ASS1: variants seen among roughly 807,000 people sequenced by gnomAD.
The protein encoded by ASS1 is argininosuccinate synthase 1.
ASS1 carries 58 observed loss-of-function variants against 60.5 expected under a neutral mutation model. The observed-to-expected ratio is 0.96, with a 90% CI of 0.78 to 1.19. The LOEUF is 1.19. Among genes scored for constraint, ASS1 ranks in the 50% most tolerant of loss-of-function variants. The pLI is 0.00. For missense variants in ASS1, 454 were observed against 547.3 expected (o/e 0.83, Z 1.70); for synonymous variants, 200 against 206.9 (o/e 0.97, Z 0.29).
rs143358819 is a variant in ASS1 at position 130,491,850 on chromosome 9, C to T, written c.970+2386C>T. 4.4e-4 allele frequency among the ~76,000 whole-genome samples: 67 copies of T among 152,256 alleles called. No individual in the cohort carries two copies. Among genetic ancestry groups the T allele is most frequent in the African/African-American group, 1.5e-3 (61 of 41,550 alleles). Reference sequence around the variant, plus strand: ...CACTAATATTAACTTTGCCCTGGTCCGCTGACATGCAGGGCCCCACAAACA... The same window carrying T: ...CACTAATATTAACTTTGCCCTGGTCTGCTGACATGCAGGGCCCCACAAACA... On this transcript the variant is annotated intron_variant, in intron 12 of 14. Transcript: ENST00000352480. This position sits in a 1 kb window ranked among gnomAD's most constrained non-coding sequence, Gnocchi z 5.3.
At chr9:130,450,756 C>T (rs77005140) in intron 1 of ASS1, among the ~76,000 whole-genome samples, 1,525 of 152,324 alleles carry the variant, frequency 0.01, 25 homozygotes, top group African/African-American at 0.034. Context: ...TCCAGGCACA[C>T]AGAGAGTGCT....
chr9:130,467,225 C>T (rs1261101616), intron 6 of ASS1, among the ~76,000 whole-genome samples: 1 of 152,194 alleles, frequency 6.6e-6, no homozygotes, highest in East Asian at 1.9e-4. Flanking sequence ...TCCCTGGATA[C>T]TAATTGCCCC....
In ASS1 at chr9:130,476,227, C is replaced by T. The variant is rs543995206; in HGVS notation, c.598-644C>T. On this transcript the variant is annotated intron_variant, in intron 8 of 14. Coordinates refer to ENST00000352480, the MANE Select transcript of ASS1 (RefSeq NM_054012.4). This position sits in a 1 kb window ranked among gnomAD's most constrained non-coding sequence, Gnocchi z 4.9. ...AAGCCACGGCCTGGGGGAGCTGGGGCCTCCGAAGGTGGGAGGGAATTTCGA... is the reference window on the plus strand; with the variant it reads ...AAGCCACGGCCTGGGGGAGCTGGGGTCTCCGAAGGTGGGAGGGAATTTCGA... 2 of 153,922 alleles carry T rather than the reference C, an allele frequency of 1.3e-5. No individual in the cohort carries two copies. Among genetic ancestry groups the T allele is most frequent in the African/African-American group, 4.8e-5 (2 of 41,450 alleles). 9.5% of individuals were successfully genotyped at this position (153,922 alleles called of 1,614,324 possible).
Position 130,476,642 on chromosome 9 carries a change from A to G in ASS1, c.598-229A>G, listed in dbSNP as rs1161670254. On this transcript the variant is annotated intron_variant, in intron 8 of 14. Transcript: ENST00000352480. The surrounding 1 kb of genome is among the most constrained non-coding windows in gnomAD (Gnocchi z 4.9). ...TGGGGGCGTCGAAGAAAAAGATGAGATCAAGTTGAGGGGAAAAATTGTCTG... is the reference window on the plus strand; with the variant it reads ...TGGGGGCGTCGAAGAAAAAGATGAGGTCAAGTTGAGGGGAAAAATTGTCTG... 3 of 600,470 alleles carry G rather than the reference A, an allele frequency of 5.0e-6. No individual in the cohort carries two copies. Among genetic ancestry groups the G allele is most frequent in the Non-Finnish European group, 8.9e-6 (3 of 336,344 alleles). 37.2% of individuals were successfully genotyped at this position (600,470 alleles called of 1,614,324 possible).
At chr9:130,492,133 G>A (rs549057944) in intron 12 of ASS1, among the ~76,000 whole-genome samples, 13 of 152,318 alleles carry the variant, frequency 8.5e-5, no homozygotes, top group Middle Eastern at 3.4e-3. Context: ...ATTCCAGTGC[G>A]TGAAATAACT....
intron 13 of ASS1, among the ~76,000 whole-genome samples, chr9:130,499,221 C>CTGGGGTG (rs1357562331): frequency 1.3e-5 from 2 of 152,200 alleles, no homozygotes; most frequent in Non-Finnish European, 2.9e-5. Context: ...AGGGCTAGTT[C>CTGGGGTG]TGGGGTGGCT....
In ASS1 at chr9:130,477,767, T is replaced by C. The variant is rs1846057446; in HGVS notation, c.688+806T>C. 1.3e-5 allele frequency among the ~76,000 whole-genome samples: 2 copies of C among 152,156 alleles called. No homozygotes were observed. Among genetic ancestry groups the C allele is most frequent in the South Asian group, 4.1e-4 (2 of 4,828 alleles). On this transcript the variant is annotated intron_variant, in intron 9 of 14. Coordinates refer to ENST00000352480, the MANE Select transcript of ASS1 (RefSeq NM_054012.4). The surrounding 1 kb of genome is among the most constrained non-coding windows in gnomAD (Gnocchi z 4.2). ...GGAGGCTTCCTGGAGGAGGTGGTGC[T>C]GGGCACAGGGGCACCCAAGGACCAG...
chr9:130,477,573 T>C lies in ASS1; in HGVS notation c.688+612T>C, dbSNP rs1350412140. 6.6e-6 allele frequency among the ~76,000 whole-genome samples: 1 copy of C among 152,218 alleles called. No individual in the cohort carries two copies. Among genetic ancestry groups the C allele is most frequent in the African/African-American group, 2.4e-5 (1 of 41,472 alleles). On this transcript the variant is annotated intron_variant, in intron 9 of 14. Coordinates refer to ENST00000352480, the MANE Select transcript of ASS1 (RefSeq NM_054012.4). The surrounding 1 kb of genome is among the most constrained non-coding windows in gnomAD (Gnocchi z 4.2). ...TCTCACTGCTGTCAACAAGAAGCGT[T>C]TGCTGACCTGGCCTGAGTGCCTGGG...
intron 1 of ASS1, among the ~76,000 whole-genome samples, chr9:130,450,061 C>T (rs1043426640): frequency 2.0e-5 from 3 of 152,290 alleles, no homozygotes; most frequent in South Asian, 2.1e-4. Context: ...CGCCATCACA[C>T]GCAAACAGGG....
chr9:130,454,223 G>C (rs1776533108), intron 2 of ASS1, 82 bp from the exon 3 acceptor site: 1 of 1,386,296 alleles, frequency 7.2e-7, no homozygotes, highest in South Asian at 1.2e-5. Flanking sequence ...GTAGCAGGGG[G>C]TGGGAGGCTG....
At chr9:130,455,387 C>T (rs1022115069) in intron 3 of ASS1, among the ~76,000 whole-genome samples, 2 of 151,958 alleles carry the variant, frequency 1.3e-5, no homozygotes, top group African/African-American at 4.8e-5. Context: ...GCCAGCCATT[C>T]ATCTATCCAT....
In ASS1 at chr9:130,470,931, G is replaced by A; in HGVS notation, c.566+27G>A. The A allele has an allele frequency of 6.2e-7, 1 of 1,611,360 alleles. No homozygotes were observed. The highest frequency in any genetic ancestry group is 8.5e-7 in the Non-Finnish European group (1 of 1,177,768). ...TAAATCCCACCCTCCACCCATCCTT[G>A]GTCCTCCCGGGCTCATTCCAAAGGA... On this transcript the variant is annotated intron_variant, in intron 7 of 14. Transcript: ENST00000352480. This position sits in a 1 kb window ranked among gnomAD's most constrained non-coding sequence, Gnocchi z 4.3.
At chr9:130,456,559 C>T (rs1355203400) in intron 3 of ASS1, among the ~76,000 whole-genome samples, 1 of 152,086 alleles carries the variant, frequency 6.6e-6, no homozygotes, top group East Asian at 1.9e-4. Context: ...TTTTCTATGC[C>T]TTTTTATTTC....
In ASS1 at chr9:130,489,016, C is replaced by T. The variant is rs1165556787; in HGVS notation, c.839-317C>T. On this transcript the variant is annotated intron_variant, in intron 11 of 14. Transcript: ENST00000352480. The surrounding 1 kb of genome is among the most constrained non-coding windows in gnomAD (Gnocchi z 4.1). Reference sequence around the variant, plus strand: ...CGCTTTAATTACAGGCTTTCAACCTCGGGCCGGTGGGCACGCATGGGGAGG... The same window carrying T: ...CGCTTTAATTACAGGCTTTCAACCTTGGGCCGGTGGGCACGCATGGGGAGG... Among the ~76,000 whole-genome samples, 11 of 152,152 alleles carry T rather than the reference C, an allele frequency of 7.2e-5. No individual in the cohort carries two copies. Among genetic ancestry groups the T allele is most frequent in the Non-Finnish European group, 1.2e-4 (8 of 68,010 alleles).
intron 2 of ASS1, among the ~76,000 whole-genome samples, chr9:130,452,686 A>G: frequency 6.6e-6 from 1 of 152,194 alleles, no homozygotes; most frequent in East Asian, 1.9e-4. Flanking sequence ...CAGTCTTCCC[A>G]TCTCCAGAGT....
chr9:130,496,616 A>C (rs908497513), intron 13 of ASS1, among the ~76,000 whole-genome samples: 1 of 151,380 alleles, frequency 6.6e-6, no homozygotes, highest in Non-Finnish European at 1.5e-5. Flanking sequence ...AAAAAAAAAA[A>C]AGGAAACACA....
intron 7 of ASS1, 101 bp from the exon 8 acceptor site, chr9:130,471,384 G>T (rs1028949895): frequency 1.0e-5 from 15 of 1,458,692 alleles, no homozygotes; most frequent in Non-Finnish European, 1.3e-5. Flanking sequence ...GAGAGTAAAA[G>T]GCAGACCAGG....
chr9:130,447,262 TG>T (rs1845216701), intron 1 of ASS1, among the ~76,000 whole-genome samples: 1 of 152,354 alleles, frequency 6.6e-6, no homozygotes, highest in East Asian at 1.9e-4. Flanking sequence ...GCAGTCAGGC[TG>T]GGTTTGAAGC....
At chr9:130,497,177 C>T (rs1846626717) in intron 13 of ASS1, among the ~76,000 whole-genome samples, 1 of 152,164 alleles carries the variant, frequency 6.6e-6, no homozygotes, top group Admixed American at 6.5e-5. Flanking sequence ...TTCATTAAGC[C>T]TTACAGTCTC....
Sources: allele counts gnomAD v4.1 joint callset (sites outside exome capture counted in the v4.1 genomes callset), GRCh38; gene constraint gnomAD v4.1.1; non-coding constraint Gnocchi (gnomAD v3.1); transcripts MANE v1.5; gene names NCBI Gene and HGNC (gene_info 2026-07-23, HGNC 2026-07-21).